SZRD1: variants seen among roughly 807,000 people sequenced by gnomAD.
SZRD1 encodes SUZ RNA binding domain containing 1, also known as SUZ RNA-binding domain-containing.
SZRD1 carries 7 observed loss-of-function variants against 17.6 expected under a neutral mutation model. That is an observed-to-expected ratio of 0.40 (90% CI 0.23 to 0.75). SZRD1 has a LOEUF of 0.75. SZRD1 is among the 30% of genes least tolerant of loss of function. The pLI is 0.38. For missense variants in SZRD1, 178 were observed against 201.8 expected (o/e 0.88, Z 0.71); for synonymous variants, 77 against 77.9 (o/e 0.99, Z 0.06).
At chr1:16,374,958 A>G (rs2082974963) in intron 1 of SZRD1, among the ~76,000 whole-genome samples, 1 of 151,520 alleles carries the variant, frequency 6.6e-6, no homozygotes, top group South Asian at 2.1e-4. Flanking sequence ...GCTCGCTGCA[A>G]CCTCTGCCTC....
At chr1:16,367,851 GTTTT>G (rs1004445223) in intron 1 of SZRD1, 1 of 152,680 alleles carries the variant, frequency 6.5e-6, no homozygotes, top group South Asian at 2.0e-4. Context: ...GACGAGTCGG[GTTTT>G]TTTTCTCTTT....
At position 16,380,758 on chromosome 1, in the gene SZRD1, G is replaced by A. The variant is rs980831336; in HGVS notation, c.52-10617G>A. ...GCTGGGATTACAGACGTGAGCCACCGTGCGTGGCCACCTGATAATTTTTGT... is the reference window on the plus strand; with the variant it reads ...GCTGGGATTACAGACGTGAGCCACCATGCGTGGCCACCTGATAATTTTTGT... On this transcript the variant is annotated intron_variant, in intron 1 of 3. Transcript: ENST00000401088. Among the ~76,000 whole-genome samples the A allele has an allele frequency of 6.6e-5, 10 of 152,144 alleles. No homozygotes were observed. The South Asian group carries it at 8.3e-4, about 13-fold the overall frequency.
intron 1 of SZRD1, among the ~76,000 whole-genome samples, chr1:16,380,746 A>ACTCAC (rs2083087302): frequency 6.6e-6 from 1 of 151,980 alleles, no homozygotes; most frequent in Non-Finnish European, 1.5e-5. Flanking sequence ...GGGATTACAG[A>ACTCAC]CGTGAGCCAC....
rs2085328135 is a variant in SZRD1 at position 16,397,287 on chromosome 1, C to T, written c.*2147C>T. On this transcript the variant is annotated 3_prime_UTR_variant, in exon 4 of 4. Coordinates refer to ENST00000401088, the MANE Select transcript of SZRD1 (RefSeq NM_001114600.3). This position sits in a 1 kb window ranked among gnomAD's most constrained non-coding sequence, Gnocchi z 5.4. ...CCCGCTGTGTGCCTGTCACCACCCA[C>T]CAGCAGTCATGCCCTGGGCTTCCCA... The T allele has an allele frequency of 6.6e-6, 1 of 152,266 alleles. No homozygotes were observed. The highest frequency in any genetic ancestry group is 2.4e-5 in the African/African-American group (1 of 41,466). The allele number at this position is 152,266 out of a possible 1,614,324, so 9.4% of individuals were successfully genotyped here.
At chr1:16,371,586 C>T (rs1046544781) in intron 1 of SZRD1, among the ~76,000 whole-genome samples, 6 of 151,564 alleles carry the variant, frequency 4.0e-5, no homozygotes, top group Admixed American at 4.0e-4. Flanking sequence ...CTCAGCCTCC[C>T]GAGTAGCTGG....
chr1:16,373,216 G>T (rs1011862159), intron 1 of SZRD1, among the ~76,000 whole-genome samples: 1 of 139,452 alleles, frequency 7.2e-6, no homozygotes, highest in African/African-American at 2.7e-5. Context: ...TCCTGAAAGT[G>T]CAAGGAGCTT....
intron 1 of SZRD1, chr1:16,387,194 CAG>C (rs1198923808): frequency 9.5e-6 from 4 of 418,974 alleles, no homozygotes; most frequent in Non-Finnish European, 1.9e-5. Flanking sequence ...AGTTTGGGGA[CAG>C]AGGCGCATTT....
Position 16,395,165 on chromosome 1 carries a change from G to C in SZRD1, c.*25G>C. The C allele has an allele frequency of 6.5e-6, 10 of 1,544,908 alleles. No individual in the cohort carries two copies. Among genetic ancestry groups the C allele is most frequent in the Non-Finnish European group, 9.0e-6 (10 of 1,117,300 alleles). On this transcript the variant is annotated 3_prime_UTR_variant, in exon 4 of 4. Transcript: ENST00000401088. ...AATGCAGGCAAGAAAAGATGCCGCC[G>C]TTGCTGCCGTCACCGCCTCCTGGGT...
chr1:16,371,922 G>T (rs1429142207), intron 1 of SZRD1, among the ~76,000 whole-genome samples: 1 of 152,162 alleles, frequency 6.6e-6, no homozygotes, highest in East Asian at 1.9e-4. Context: ...TAGAGACAGG[G>T]TCTTGCCATA....
chr1:16,376,044 T>C (rs2100704391), intron 1 of SZRD1, among the ~76,000 whole-genome samples: 1 of 152,312 alleles, frequency 6.6e-6, no homozygotes, highest in South Asian at 2.1e-4. Flanking sequence ...AAGATATATG[T>C]TGTATGGCTG....
chr1:16,370,406 T>C (rs987950276), intron 1 of SZRD1, among the ~76,000 whole-genome samples: 1 of 151,958 alleles, frequency 6.6e-6, no homozygotes, highest in Admixed American at 6.6e-5. Flanking sequence ...TTTGTATTTT[T>C]AGTAGAGACG....
Position 16,391,478 on chromosome 1 carries a change from G to T in SZRD1, c.101+54G>T. 6.9e-7 allele frequency: 1 copy of T among 1,444,012 alleles called. No homozygotes were observed. Among genetic ancestry groups the T allele is most frequent in the Non-Finnish European group, 9.5e-7 (1 of 1,053,648 alleles). The allele number at this position is 1,444,012 out of a possible 1,614,324, so 89.4% of individuals were successfully genotyped here. A position where few individuals can be genotyped will look rare whatever the true frequency, so the allele number is the denominator to read the frequency against. On this transcript the variant is annotated intron_variant, in intron 2 of 3. Transcript: ENST00000401088. This position sits in a 1 kb window ranked among gnomAD's most constrained non-coding sequence, Gnocchi z 4.3. ...ATGCTCTCTGTGGTTTGAGAGCCGG[G>T]CAGTCAGTGGTGTTCTCCAGCTGGC...
chr1:16,368,323 C>G (rs1407217797), intron 1 of SZRD1, among the ~76,000 whole-genome samples: 1 of 151,976 alleles, frequency 6.6e-6, no homozygotes. Context: ...GTAGAGTAGG[C>G]GCTGGGTTTT....
intron 1 of SZRD1, among the ~76,000 whole-genome samples, chr1:16,380,103 TTA>T (rs1212915986): frequency 6.6e-6 from 1 of 152,180 alleles, no homozygotes; most frequent in Non-Finnish European, 1.5e-5. Flanking sequence ...AGTAAGTGTT[TTA>T]TATACCACTC....
chr1:16,369,201 T>G (rs2082870541), intron 1 of SZRD1: 1 of 491,584 alleles, frequency 2.0e-6, no homozygotes, highest in Non-Finnish European at 3.7e-6. Context: ...AGTAACATAA[T>G]TTGTAGCTAT....
chr1:16,379,691 A>G (rs2083062355), intron 1 of SZRD1, among the ~76,000 whole-genome samples: 1 of 152,156 alleles, frequency 6.6e-6, no homozygotes, highest in Non-Finnish European at 1.5e-5. Context: ...CAAATTATAT[A>G]ACCTATCTGA....
chr1:16,374,095 A>G (rs759568109), intron 1 of SZRD1, among the ~76,000 whole-genome samples: 6 of 152,188 alleles, frequency 3.9e-5, no homozygotes, highest in Non-Finnish European at 8.8e-5. Flanking sequence ...AAAGAGATCA[A>G]TTAGTTTGGG....
rs1046125561 is a variant in SZRD1, at chr1:16,394,290, C to T, written c.357-748C>T. 3.3e-5 allele frequency among the ~76,000 whole-genome samples: 5 copies of T among 152,178 alleles called. No homozygotes were observed. The South Asian group carries it at 6.2e-4, about 19-fold the overall frequency. ...TGGAAAAATAGTCATATGAGTCAAC[C>T]GTTAACCGCAGAGTTTGGAGAGGAG... On this transcript the variant is annotated intron_variant, in intron 3 of 3. Coordinates refer to ENST00000401088, the MANE Select transcript of SZRD1 (RefSeq NM_001114600.3).
At chr1:16,376,818 A>AAC (rs200769136) in intron 1 of SZRD1, among the ~76,000 whole-genome samples, 3,790 of 150,882 alleles carry the variant, frequency 0.025, 186 homozygotes, top group African/African-American at 0.086. Flanking sequence ...AAAAAAAAAA[A>AAC]AAAAAACGTT....
Sources: allele counts gnomAD v4.1 joint callset (sites outside exome capture counted in the v4.1 genomes callset), GRCh38; gene constraint gnomAD v4.1.1; non-coding constraint Gnocchi (gnomAD v3.1); transcripts MANE v1.5; gene names NCBI Gene and HGNC (gene_info 2026-07-23, HGNC 2026-07-21).